FMN2: variants seen among roughly 807,000 people sequenced by gnomAD.
FMN2 encodes the protein formin-2.
A neutral mutation model predicts 142.3 loss-of-function variants in FMN2; 51 were observed. That is an observed-to-expected ratio of 0.36 (90% CI 0.29 to 0.45). FMN2 has a LOEUF of 0.45. Ranked by LOEUF, FMN2 falls within the 20% of genes least tolerant of loss-of-function variation. The pLI is 1.00. For synonymous variants in FMN2, 882 were observed against 869.8 expected, an observed-to-expected ratio of 1.01 and a Z score of -0.25; for missense variants, 1,936 against 2,122.8, an observed-to-expected ratio of 0.91 and a Z score of 1.73.
intron 1 of FMN2, among the ~76,000 whole-genome samples, chr1:240,119,149 G>T (rs942153888): frequency 2.8e-4 from 42 of 152,144 alleles, no homozygotes; most frequent in African/African-American, 9.6e-4. Context: ...CCAACATGGT[G>T]AAATCTCCTC....
intron 16 of FMN2, among the ~76,000 whole-genome samples, chr1:240,468,997 T>C (rs892139351): frequency 1.3e-5 from 2 of 152,190 alleles, no homozygotes; most frequent in Admixed American, 1.3e-4. Flanking sequence ...TGAAATAAAA[T>C]TGGCTTTTGG....
chr1:240,462,166 T>C (rs1676470175), intron 16 of FMN2, among the ~76,000 whole-genome samples: 1 of 152,170 alleles, frequency 6.6e-6, no homozygotes, highest in South Asian at 2.1e-4. Flanking sequence ...TCCACAGATA[T>C]CCCATGAGAG....
intron 14 of FMN2, among the ~76,000 whole-genome samples, chr1:240,385,647 C>T (rs1267927325): frequency 6.6e-6 from 1 of 152,170 alleles, no homozygotes; most frequent in Non-Finnish European, 1.5e-5. Context: ...CCCATGTCTT[C>T]TCTACTTTGG....
At chr1:240,130,332 T>C (rs1662685017) in intron 2 of FMN2, among the ~76,000 whole-genome samples, 1 of 152,168 alleles carries the variant, frequency 6.6e-6, no homozygotes, top group Non-Finnish European at 1.5e-5. Context: ...AGACAGAGTC[T>C]CACTCAGTCA....
chr1:240,092,511 G>C lies in FMN2; in HGVS notation c.402G>C (p.Glu134Asp). ...SADEAGLSDT[E>D]CADPFEVTGP... ...ACGAGGCCGGCCTGTCGGATACCGA[G>C]TGTGCGGACCCTTTTGAGGTGACCG... Residue 134 changes from glutamate to aspartate, a missense_variant, in exon 1 of 18, where the codon GAG (glutamate) becomes GAC (aspartate). Physicochemically the swap from Glu to Asp is conservative, Grantham distance 45 (BLOSUM62 2). Coordinates refer to ENST00000319653, the MANE Select transcript of FMN2 (RefSeq NM_020066.5). The C allele has an allele frequency of 6.2e-7, 1 of 1,608,534 alleles. No individual in the cohort carries two copies. The highest frequency in any genetic ancestry group is 8.5e-7 in the Non-Finnish European group (1 of 1,177,686).
At chr1:240,225,641 A>G (rs1667271362) in intron 6 of FMN2, among the ~76,000 whole-genome samples, 2 of 152,246 alleles carry the variant, frequency 1.3e-5, no homozygotes. Flanking sequence ...CTAGTTTTCA[A>G]CAACAAATTC....
At chr1:240,285,068 A>G (rs1353309235) in intron 7 of FMN2, among the ~76,000 whole-genome samples, 2 of 151,858 alleles carry the variant, frequency 1.3e-5, no homozygotes, top group South Asian at 2.1e-4. Context: ...TATTTCCCAA[A>G]TCTTCTATTG....
chr1:240,305,375 G>C (rs1472906808), intron 8 of FMN2, among the ~76,000 whole-genome samples: 1 of 152,164 alleles, frequency 6.6e-6, no homozygotes, highest in East Asian at 1.9e-4. Flanking sequence ...ATTTTTGAAA[G>C]CATGCGTTTC....
intron 6 of FMN2, among the ~76,000 whole-genome samples, chr1:240,230,344 CA>C: frequency 7.7e-6 from 1 of 129,226 alleles, no homozygotes; most frequent in East Asian, 2.3e-4. Context: ...ACAACAACAA[CA>C]AAAAAACTAA....
chr1:240,170,744 G>T (rs1157561252), intron 2 of FMN2: 25 of 1,456,462 alleles, frequency 1.7e-5, no homozygotes, highest in Non-Finnish European at 2.3e-5. Flanking sequence ...GTGGGGCCTG[G>T]CTCTGTTTGG....
intron 1 of FMN2, among the ~76,000 whole-genome samples, chr1:240,098,188 G>A (rs60356538): frequency 0.03 from 4,308 of 144,476 alleles, 186 homozygotes; most frequent in African/African-American, 0.1. Flanking sequence ...TGCAACCTCC[G>A]CCCACTGGGT....
chr1:240,245,397 T>C (rs990560189), intron 6 of FMN2: 5 of 415,936 alleles, frequency 1.2e-5, no homozygotes, highest in Non-Finnish European at 2.5e-5. Flanking sequence ...GTGGTGGTAG[T>C]GAAAGAGAAG....
chr1:240,369,932 A>G (rs887842086), intron 14 of FMN2, among the ~76,000 whole-genome samples: 1 of 152,108 alleles, frequency 6.6e-6, no homozygotes, highest in Non-Finnish European at 1.5e-5. Flanking sequence ...AGGGATTCCT[A>G]TGTGAGAGAG....
chr1:240,419,820 A>G (rs1428708169), intron 15 of FMN2, among the ~76,000 whole-genome samples: 1 of 152,028 alleles, frequency 6.6e-6, no homozygotes, highest in Non-Finnish European at 1.5e-5. Flanking sequence ...CTGGGAACTG[A>G]TCAAGGAATC....
intron 2 of FMN2, among the ~76,000 whole-genome samples, chr1:240,176,937 A>G (rs1664943096): frequency 6.6e-6 from 1 of 152,178 alleles, no homozygotes; most frequent in African/African-American, 2.4e-5. Context: ...TATTTTATGA[A>G]TTTCTTAATT....
chr1:240,147,252 G>T (rs1359741710), intron 2 of FMN2, among the ~76,000 whole-genome samples: 1 of 152,114 alleles, frequency 6.6e-6, no homozygotes, highest in African/African-American at 2.4e-5. Flanking sequence ...AGGGTAATTT[G>T]CCCAGAGTCA....
At chr1:240,471,049 A>G (rs1676789452) in intron 16 of FMN2, among the ~76,000 whole-genome samples, 1 of 152,226 alleles carries the variant, frequency 6.6e-6, no homozygotes, top group Non-Finnish European at 1.5e-5. Context: ...GTACAAGAAC[A>G]TTACCGGTGT....
intron 15 of FMN2, among the ~76,000 whole-genome samples, chr1:240,417,668 A>G (rs1320000886): frequency 6.6e-6 from 1 of 150,632 alleles, no homozygotes; most frequent in African/African-American, 2.4e-5. Context: ...TGCATATGGG[A>G]GCAACTCCTC....
intron 15 of FMN2, among the ~76,000 whole-genome samples, chr1:240,407,286 C>T (rs773933981): frequency 1.3e-5 from 2 of 152,030 alleles, no homozygotes; most frequent in Non-Finnish European, 2.9e-5. Flanking sequence ...TACAGGCGCG[C>T]GCCACTGCAC....
Sources: allele counts gnomAD v4.1 joint callset (sites outside exome capture counted in the v4.1 genomes callset), GRCh38; gene constraint gnomAD v4.1.1; transcripts MANE v1.5; gene names NCBI Gene and HGNC (gene_info 2026-07-23, HGNC 2026-07-21).